Variants in OXSR1 observed in about 807,000 individuals in gnomAD.
The protein encoded by OXSR1 is serine/threonine-protein kinase OSR1.
In OXSR1, 24 loss-of-function variants were observed where a neutral mutation model predicts 79.8. The ratio of observed to expected loss-of-function variants is 0.30; its 90% confidence interval spans 0.22 to 0.42. The LOEUF (loss-of-function observed/expected upper bound fraction) is 0.42, where lower values mean the gene tolerates loss of function less well. Among genes scored for constraint, OXSR1 ranks in the 10% least tolerant of loss-of-function variants. OXSR1 has a pLI of 1.00. For synonymous variants in OXSR1, 226 were observed against 209.2 expected, an observed-to-expected ratio of 1.08 and a Z score of -0.69; for missense variants, 430 against 618.4, an observed-to-expected ratio of 0.70 and a Z score of 3.23.
intron 12 of OXSR1, among the ~76,000 whole-genome samples, chr3:38,243,636 C>T (rs1423159199): frequency 2.0e-5 from 3 of 152,164 alleles, no homozygotes; most frequent in Non-Finnish European, 4.4e-5. Context: ...TAAACCAATT[C>T]TATTCTTGCC....
At chr3:38,243,613 C>T (rs993043326) in intron 12 of OXSR1, among the ~76,000 whole-genome samples, 4 of 152,196 alleles carry the variant, frequency 2.6e-5, no homozygotes, top group African/African-American at 9.7e-5. Context: ...GGTTTTAACA[C>T]ATCTCTTACT....
intron 12 of OXSR1, among the ~76,000 whole-genome samples, chr3:38,243,471 A>G (rs1345256605): frequency 1.3e-5 from 2 of 152,154 alleles, no homozygotes; most frequent in Non-Finnish European, 2.9e-5. Context: ...TATGATAGGA[A>G]ATCTTGTTAA....
At chr3:38,197,962 T>C (rs766448033) in intron 3 of OXSR1, among the ~76,000 whole-genome samples, 13 of 152,222 alleles carry the variant, frequency 8.5e-5, no homozygotes, top group Non-Finnish European at 1.6e-4. Context: ...CTGTGATTGT[T>C]ATGGGCCATT....
At chr3:38,230,620 C>T in intron 10 of OXSR1, 190 bp downstream of exon 10, 1 of 517,552 alleles carries the variant, frequency 1.9e-6, no homozygotes, top group Non-Finnish European at 3.5e-6. Flanking sequence ...TATTACTCTG[C>T]TATCTTTTAG....
At chr3:38,166,440 A>T (rs575938256) in intron 1 of OXSR1, among the ~76,000 whole-genome samples, 6 of 152,100 alleles carry the variant, frequency 3.9e-5, no homozygotes, top group Non-Finnish European at 7.4e-5. Flanking sequence ...GACCCAACTT[A>T]CGACTCCTTC....
At chr3:38,238,524 G>A (rs971163127) in intron 11 of OXSR1, among the ~76,000 whole-genome samples, 71 of 151,808 alleles carry the variant, frequency 4.7e-4, no homozygotes, top group Non-Finnish European at 2.6e-4. Flanking sequence ...AAGTCTTTTG[G>A]TGATGATTTT....
At chr3:38,203,604 G>T (rs1575332811) in intron 4 of OXSR1, among the ~76,000 whole-genome samples, 1 of 152,114 alleles carries the variant, frequency 6.6e-6, no homozygotes, top group Non-Finnish European at 1.5e-5. Context: ...CCACCTTGGT[G>T]GTCTTGGATA....
chr3:38,217,285 A>G (rs1196467196), intron 5 of OXSR1, among the ~76,000 whole-genome samples: 1 of 152,208 alleles, frequency 6.6e-6, no homozygotes, highest in Non-Finnish European at 1.5e-5. Context: ...TGTGGGTATA[A>G]AGCAAGGAAA....
At position 38,223,927 on chromosome 3, in the gene OXSR1, T is replaced by C; in HGVS notation, c.702+14T>C. On this transcript the variant is annotated intron_variant, in intron 7 of 17. Coordinates refer to ENST00000311806, the MANE Select transcript of OXSR1 (RefSeq NM_005109.3). ...CCACCAATGAAGGTGAGGCTTGTAT[T>C]CCAAATACTACCCCAGCTCAAGTCC... The C allele has an allele frequency of 6.7e-7, 1 of 1,488,776 alleles. No homozygotes were observed. The highest frequency in any genetic ancestry group is 1.7e-5 in the Admixed American group (1 of 57,204). 92.2% of individuals were successfully genotyped at this position (1,488,776 alleles called of 1,614,324 possible).
At chr3:38,167,181 C>T (rs1694949852) in intron 1 of OXSR1, among the ~76,000 whole-genome samples, 1 of 152,160 alleles carries the variant, frequency 6.6e-6, no homozygotes, top group Non-Finnish European at 1.5e-5. Context: ...TTGACGTGAT[C>T]CGATAAATTG....
chr3:38,240,770 G>A (rs932191802), intron 11 of OXSR1, among the ~76,000 whole-genome samples: 5 of 150,558 alleles, frequency 3.3e-5, no homozygotes, highest in Admixed American at 3.3e-4. Context: ...CAAAATCTGG[G>A]ACAATTTAAC....
intron 1 of OXSR1, among the ~76,000 whole-genome samples, chr3:38,168,683 C>G (rs1701515173): frequency 6.6e-6 from 1 of 152,192 alleles, no homozygotes; most frequent in Non-Finnish European, 1.5e-5. Context: ...CCTGTTCCCA[C>G]CCCCAGCCCC....
chr3:38,241,925 A>G (rs1420017993), intron 11 of OXSR1, among the ~76,000 whole-genome samples: 3 of 151,678 alleles, frequency 2.0e-5, no homozygotes, highest in Non-Finnish European at 2.9e-5. Flanking sequence ...AAAAAAAACC[A>G]TCAATTGATC....
At chr3:38,244,670 T>TGCGCGC (rs1491132034) in intron 12 of OXSR1, among the ~76,000 whole-genome samples, 4 of 149,626 alleles carry the variant, frequency 2.7e-5, no homozygotes, top group South Asian at 4.2e-4. Flanking sequence ...TGTGTGTGCG[T>TGCGCGC]GCGCATGTAC....
intron 4 of OXSR1, among the ~76,000 whole-genome samples, chr3:38,209,696 G>A (rs199400): frequency 0.019 from 2,800 of 149,890 alleles, 39 homozygotes; most frequent in Non-Finnish European, 0.031. Flanking sequence ...GTGCAGTGGC[G>A]CAATCTCGGC....
chr3:38,215,275 G>C (rs993963680), intron 4 of OXSR1, among the ~76,000 whole-genome samples: 3 of 152,128 alleles, frequency 2.0e-5, no homozygotes, highest in Admixed American at 6.5e-5. Context: ...CCTTTCTACT[G>C]TTGCTGGCTG....
chr3:38,165,598 T>G lies in OXSR1; in HGVS notation c.-279T>G, dbSNP rs1161674189. 2.3e-6 allele frequency: 1 copy of G among 428,874 alleles called. No homozygotes were observed. Among genetic ancestry groups the G allele is most frequent in the Non-Finnish European group, 4.2e-6 (1 of 238,854 alleles). 26.6% of individuals were successfully genotyped at this position (428,874 alleles called of 1,614,324 possible). ...AGGGGCTGGGCCCAGGCAAAGCTTC[T>G]GTCGCTGCTGCTGCGGAGGCCGAGG... On this transcript the variant is annotated 5_prime_UTR_variant, in exon 1 of 18. Coordinates refer to ENST00000311806, the MANE Select transcript of OXSR1 (RefSeq NM_005109.3).
intron 4 of OXSR1, among the ~76,000 whole-genome samples, chr3:38,207,414 G>A (rs1323899696): frequency 2.0e-5 from 3 of 152,178 alleles, no homozygotes; most frequent in Non-Finnish European, 2.9e-5. Flanking sequence ...CATGGCCCAA[G>A]TTGATTTCCA....
At chr3:38,209,458 A>G (rs1464965218) in intron 4 of OXSR1, among the ~76,000 whole-genome samples, 2 of 151,690 alleles carry the variant, frequency 1.3e-5, no homozygotes, top group African/African-American at 4.8e-5. Context: ...CCCCCAGGTA[A>G]TTCTAATGTT....
Sources: gnomAD v4.1 joint callset for allele counts (sites outside exome capture counted in the v4.1 genomes callset) on GRCh38, gnomAD v4.1.1 for gene constraint, MANE v1.5 for transcripts, NCBI Gene and HGNC (gene_info 2026-07-23, HGNC 2026-07-21) for gene names.